SORCS2: variants seen among roughly 807,000 people sequenced by gnomAD.
The protein encoded by SORCS2 is sortilin related VPS10 domain containing receptor 2, also known as VPS10 domain-containing receptor SorCS2.
In SORCS2, 100 loss-of-function variants were observed where a neutral mutation model predicts 141.6. The ratio of observed to expected loss-of-function variants is 0.71; its 90% CI spans 0.60 to 0.83. SORCS2 has a LOEUF of 0.83. Ranked by LOEUF, SORCS2 falls within the 40% of genes least tolerant of loss-of-function variation. SORCS2 has a pLI of 0.00. For synonymous variants in SORCS2, 789 were observed against 676.9 expected, an observed-to-expected ratio of 1.17 and a Z score of -2.57; for missense variants, 1,646 against 1,560.2, an observed-to-expected ratio of 1.05 and a Z score of -0.93.
intron 1 of SORCS2, among the ~76,000 whole-genome samples, chr4:7,223,122 T>C (rs906320270): frequency 2.0e-5 from 3 of 152,196 alleles, no homozygotes; most frequent in Non-Finnish European, 2.9e-5. Flanking sequence ...ACTCGTGTTC[T>C]GATGAAGGAC....
chr4:7,632,804 C>G (rs935427672), intron 3 of SORCS2, among the ~76,000 whole-genome samples: 4 of 152,140 alleles, frequency 2.6e-5, no homozygotes, highest in South Asian at 4.2e-4. Context: ...GCAGCAGAAG[C>G]AGACCCACCA....
intron 3 of SORCS2, among the ~76,000 whole-genome samples, chr4:7,590,292 G>C (rs1716829830): frequency 6.6e-6 from 1 of 152,246 alleles, no homozygotes; most frequent in African/African-American, 2.4e-5. Flanking sequence ...AAAGGGTTCA[G>C]GGTGTTTGAT....
At chr4:7,383,899 C>T (rs1723138646) in intron 1 of SORCS2, among the ~76,000 whole-genome samples, 1 of 152,158 alleles carries the variant, frequency 6.6e-6, no homozygotes, top group Admixed American at 6.5e-5. Flanking sequence ...TCTACCAAGA[C>T]CCACCTATTA....
intron 3 of SORCS2, among the ~76,000 whole-genome samples, chr4:7,589,406 T>TC (rs199572962): frequency 0.51 from 41,511 of 81,162 alleles, 6,798 homozygotes; most frequent in East Asian, 0.73. Flanking sequence ...TTTGTTTGTT[T>TC]GTTTGTTTTG....
chr4:7,651,321 C>T lies in SORCS2; in HGVS notation c.814-2813C>T, dbSNP rs1721432031. Among the ~76,000 whole-genome samples the T allele has an allele frequency of 2.0e-5, 3 of 152,160 alleles. No individual in the cohort carries two copies. In the South Asian group the frequency reaches 6.2e-4, roughly 32 times the overall value. On this transcript the variant is annotated intron_variant, in intron 4 of 26. Coordinates refer to ENST00000507866, the MANE Select transcript of SORCS2 (RefSeq NM_020777.3). ...TGAGTGAGGATGAGGATTGTCAGCC[C>T]AGTTTTATGGCTGGGGAAAACTGAG... is the stretch of plus-strand genomic sequence containing the variant.
intron 2 of SORCS2, 68 bp downstream of exon 2, chr4:7,396,423 A>G: frequency 6.5e-7 from 1 of 1,537,832 alleles, no homozygotes; most frequent in Non-Finnish European, 8.9e-7. Flanking sequence ...CTCTCAGCTG[A>G]GGACCGAGAT....
intron 3 of SORCS2, among the ~76,000 whole-genome samples, chr4:7,602,345 C>T (rs1440607661): frequency 2.6e-5 from 4 of 151,924 alleles, no homozygotes; most frequent in Non-Finnish European, 5.9e-5. Flanking sequence ...CGGAGACGCT[C>T]CTCACTTCCC....
At chr4:7,676,911 TCTCCCTCTCTCCCTCTCTCCCTCTCTCC>T (rs1723187973) in intron 9 of SORCS2, among the ~76,000 whole-genome samples, 1 of 26,212 alleles carries the variant, frequency 3.8e-5, no homozygotes, top group African/African-American at 1.2e-4. Context: ...TCTCTCCCTC[TCTCCCTCTCTCCCTCTCTCCCTCTCTCC>T]CTCTCTCCCT....
At chr4:7,532,907 AGGG>A (rs1711777870) in intron 3 of SORCS2, among the ~76,000 whole-genome samples, 2 of 151,336 alleles carry the variant, frequency 1.3e-5, no homozygotes, top group Admixed American at 1.3e-4. Context: ...AGGGCTACAG[AGGG>A]GAGGTGAGGG....
chr4:7,549,724 G>A (rs368026204), intron 3 of SORCS2, among the ~76,000 whole-genome samples: 2 of 152,318 alleles, frequency 1.3e-5, no homozygotes, highest in African/African-American at 4.8e-5. Context: ...AGCCCGCTGC[G>A]CACACACAGA....
intron 1 of SORCS2, among the ~76,000 whole-genome samples, chr4:7,260,852 C>T (rs921027507): frequency 6.6e-6 from 1 of 152,176 alleles, no homozygotes; most frequent in African/African-American, 2.4e-5. Flanking sequence ...TGCTGCTGCT[C>T]GTGTTCTTAC....
chr4:7,370,675 A>T (rs1722192854), intron 1 of SORCS2, among the ~76,000 whole-genome samples: 1 of 152,150 alleles, frequency 6.6e-6, no homozygotes, highest in South Asian at 2.1e-4. Flanking sequence ...GCGGGGTGCT[A>T]TCCCGAGCTG....
intron 4 of SORCS2, 108 bp from the exon 5 acceptor site, chr4:7,654,026 G>A: frequency 9.3e-7 from 1 of 1,071,536 alleles, no homozygotes; most frequent in Non-Finnish European, 1.4e-6. Flanking sequence ...GCTGGACAAG[G>A]ATGACTTCTC....
intron 12 of SORCS2, among the ~76,000 whole-genome samples, chr4:7,701,604 G>C (rs1361701312): frequency 1.3e-5 from 2 of 152,206 alleles, no homozygotes; most frequent in African/African-American, 4.8e-5. Flanking sequence ...GGAAAGTTCT[G>C]GTGGGGTTGA....
At chr4:7,544,487 C>T (rs1713091548) in intron 3 of SORCS2, among the ~76,000 whole-genome samples, 1 of 152,166 alleles carries the variant, frequency 6.6e-6, no homozygotes, top group African/African-American at 2.4e-5. Flanking sequence ...CCTGAGCATC[C>T]AAGGCAACAT....
In SORCS2 at chr4:7,193,844, C is replaced by G. The variant is rs545572137; in HGVS notation, c.480+718C>G. Among the ~76,000 whole-genome samples the G allele has an allele frequency of 3.9e-5, 6 of 152,294 alleles. No individual in the cohort carries two copies. The East Asian group carries it at 1.2e-3, about 29-fold the overall frequency. On this transcript the variant is annotated intron_variant, in intron 1 of 26. Transcript: ENST00000507866. This position sits in a 1 kb window ranked among gnomAD's most constrained non-coding sequence, Gnocchi z 4.8. ...CCTTCCCGGCTACTCTGGCTTTGCT[C>G]CAGCTGGAAGTTTGCCACCTCTGTT... is the stretch of plus-strand genomic sequence containing the variant.
intron 3 of SORCS2, among the ~76,000 whole-genome samples, chr4:7,616,500 T>C (rs1432121872): frequency 6.6e-6 from 1 of 152,142 alleles, no homozygotes; most frequent in Non-Finnish European, 1.5e-5. Context: ...TTCATCCAAG[T>C]GGGGTGGTCA....
At chr4:7,376,456 A>G (rs753786012) in intron 1 of SORCS2, among the ~76,000 whole-genome samples, 6 of 152,136 alleles carry the variant, frequency 3.9e-5, no homozygotes, top group Admixed American at 2.0e-4. Context: ...GGGCGCCTAT[A>G]ATCCCAGCTA....
chr4:7,685,991 A>G (rs1459728706), intron 10 of SORCS2, among the ~76,000 whole-genome samples: 1 of 152,232 alleles, frequency 6.6e-6, no homozygotes, highest in African/African-American at 2.4e-5. Context: ...ATAACTGGGC[A>G]TTTTTGTTCT....
Sources: gnomAD v4.1 joint callset for allele counts (sites outside exome capture counted in the v4.1 genomes callset) on GRCh38, gnomAD v4.1.1 for gene constraint, Gnocchi (gnomAD v3.1) non-coding constraint, MANE v1.5 for transcripts, NCBI Gene and HGNC (gene_info 2026-07-23, HGNC 2026-07-21) for gene names.